Variants in ZNF232 observed in about 807,000 individuals in gnomAD.
ZNF232 encodes the protein zinc finger and SCAN domain-containing protein 11.
In ZNF232, 25 loss-of-function variants were observed where a neutral mutation model predicts 25.2. That is an observed-to-expected ratio of 0.99 (90% CI 0.72 to 1.39). The LOEUF is 1.39. Ranked by LOEUF, ZNF232 falls within the 40% of genes most tolerant of loss-of-function variation. The pLI is 0.00. For synonymous variants in ZNF232, 193 were observed against 182.9 expected (o/e 1.06, Z -0.45); for missense variants, 519 against 520.9 (o/e 1.00, Z 0.04).
chr17:5,106,150 C>T, exon 4 of ZNF232: 1 of 1,614,186 alleles, frequency 6.2e-7, no homozygotes, highest in South Asian at 1.1e-5. Flanking sequence ...AAAGTTTTCC[C>T]ACAGTCACTA....
exon 4 of ZNF232, chr17:5,106,016 G>C (rs1405946886): frequency 6.2e-7 from 1 of 1,614,140 alleles, no homozygotes. Flanking sequence ...TCTCTCCTGA[G>C]TGAATCCTCT....
chr17:5,109,639 G>A, exon 2 of ZNF232: 1 of 1,614,244 alleles, frequency 6.2e-7, no homozygotes, highest in South Asian at 1.1e-5. Flanking sequence ...TGGTAGCGGA[G>A]ATGCCTGAAG....
At chr17:5,115,555 A>AAAACACACACACAC (rs137912934), upstream of ZNF232, among the ~76,000 whole-genome samples, 1 of 148,664 alleles carries the variant, frequency 6.7e-6, no homozygotes, top group Non-Finnish European at 1.5e-5. Flanking sequence ...CGTCTCCAAA[A>AAAACACACACACAC]ACACACACAC....
chr17:5,115,818 C>T (rs2072521881), upstream of ZNF232, among the ~76,000 whole-genome samples: 1 of 152,230 alleles, frequency 6.6e-6, no homozygotes. Flanking sequence ...CGCGGACTGG[C>T]GGTCCAGCCT....
At chr17:5,115,173 G>A (rs1024002140), upstream of ZNF232, among the ~76,000 whole-genome samples, 2 of 151,644 alleles carry the variant, frequency 1.3e-5, no homozygotes, top group Non-Finnish European at 2.9e-5. Context: ...ATTTGCTAGA[G>A]GCATCTTTTG....
At chr17:5,108,678 T>G in intron 3 of ZNF232, 1 of 421,372 alleles carries the variant, frequency 2.4e-6, no homozygotes, top group African/African-American at 2.0e-5. Flanking sequence ...TGGCCAGGCT[T>G]TATATCCAGA....
At chr17:5,115,576 A>ACACACACACACACACACACACACACAC (rs1555584331), upstream of ZNF232, among the ~76,000 whole-genome samples, 2 of 150,852 alleles carry the variant, frequency 1.3e-5, no homozygotes, top group South Asian at 2.1e-4. Flanking sequence ...ACACACACAC[A>ACACACACACACACACACACACACACAC]AAACCCAAAA....
At chr17:5,109,898 T>TC (rs758101443) in intron 1 of ZNF232, 30 bp from the exon 2 acceptor site, 2 of 1,546,610 alleles carry the variant, frequency 1.3e-6, no homozygotes, top group African/African-American at 2.8e-5. Context: ...CATTCCTCTT[T>TC]TTTTTTTTTA....
At chr17:5,116,063 C>G (rs2072528423), upstream of ZNF232, among the ~76,000 whole-genome samples, 1 of 152,210 alleles carries the variant, frequency 6.6e-6, no homozygotes, top group Non-Finnish European at 1.5e-5. Flanking sequence ...GACGGGCGGG[C>G]CCCGACGCCC....
intron 3 of ZNF232, chr17:5,108,678 T>C (rs1202449745): frequency 4.7e-6 from 2 of 421,254 alleles, no homozygotes; most frequent in Non-Finnish European, 8.5e-6. Flanking sequence ...TGGCCAGGCT[T>C]TATATCCAGA....
chr17:5,107,915 A>AT (rs1205987760), intron 3 of ZNF232, among the ~76,000 whole-genome samples: 1 of 145,964 alleles, frequency 6.9e-6, no homozygotes, highest in Non-Finnish European at 1.5e-5. Context: ...CTTGCTATAT[A>AT]TAAAAAAAAA....
At position 5,108,944 on chromosome 17, in the gene ZNF232, G is replaced by A. The variant is rs755974257; in HGVS notation, c.607C>T (p.Gln203Ter). 1.2e-6 allele frequency: 2 copies of A among 1,614,036 alleles called. No individual in the cohort carries two copies. Among genetic ancestry groups the A allele is most frequent in the South Asian group, 2.2e-5 (2 of 91,074 alleles). The change falls in exon 3 of 4, where the codon CAG (glutamine) becomes TAG (stop). Residue 203 changes from glutamine (Q) to a stop codon, truncating the protein, a stop_gained. Coordinates refer to ENST00000575898, the Ensembl canonical transcript of ZNF232. LOFTEE classifies it low-confidence loss of function (END_TRUNC). ...TCCTCACCACTCTTTGGGAAAGGCT[G>A]GGTCTCCTTAGGCTGGAGCTGGATG... is the stretch of plus-strand genomic sequence containing the variant.
At chr17:5,115,555 A>ACACACACACACACACACACAC (rs2072512102), upstream of ZNF232, among the ~76,000 whole-genome samples, 6 of 148,664 alleles carry the variant, frequency 4.0e-5, no homozygotes, top group Non-Finnish European at 8.9e-5. Flanking sequence ...CGTCTCCAAA[A>ACACACACACACACACACACAC]ACACACACAC....
upstream of ZNF232, among the ~76,000 whole-genome samples, chr17:5,115,555 A>ACACACACACACACAC (rs2072512102): frequency 2.4e-4 from 36 of 148,778 alleles, no homozygotes; most frequent in Middle Eastern, 3.4e-3. Flanking sequence ...CGTCTCCAAA[A>ACACACACACACACAC]ACACACACAC....
At chr17:5,106,008 TCTC>T in exon 4 of ZNF232, 1 of 1,614,174 alleles carries the variant, frequency 6.2e-7, no homozygotes, top group Non-Finnish European at 8.5e-7. Context: ...ATAGGGCTTC[TCTC>T]CTGAGTGAAT....
chr17:5,106,962 T>C (rs934719286), intron 3 of ZNF232, among the ~76,000 whole-genome samples: 2 of 152,240 alleles, frequency 1.3e-5, no homozygotes, highest in African/African-American at 4.8e-5. Context: ...TCCCATCCGT[T>C]TCCCAGCTGC....
At chr17:5,111,680 T>C in intron 1 of ZNF232, 120 bp downstream of exon 1, 2 of 1,531,164 alleles carry the variant, frequency 1.3e-6, no homozygotes, top group Non-Finnish European at 1.8e-6. Flanking sequence ...CAAACCCCTC[T>C]CCACACACAA....
At chr17:5,120,085 C>T in intron 1 of ZNF232, among the ~76,000 whole-genome samples, 1 of 152,182 alleles carries the variant, frequency 6.6e-6, no homozygotes, top group Non-Finnish European at 1.5e-5. Context: ...CAGCCGAGTT[C>T]TGTGCTGCTC....
intron 1 of ZNF232, 55 bp from the exon 2 acceptor site, chr17:5,109,923 T>C: frequency 1.3e-6 from 2 of 1,500,290 alleles, no homozygotes; most frequent in South Asian, 2.7e-5. Flanking sequence ...AGAGTCTTTC[T>C]CTGTTACCCA....
Sources: allele counts gnomAD v4.1 joint callset (sites outside exome capture counted in the v4.1 genomes callset), GRCh38; gene constraint gnomAD v4.1.1; transcripts MANE v1.5; gene names NCBI Gene and HGNC (gene_info 2026-07-23, HGNC 2026-07-21).